The following TIMD4 variants were observed in gnomAD, a reference collection of about 807,000 sequenced individuals.
TIMD4 encodes T-cell immunoglobulin and mucin domain-containing protein 4.
TIMD4 carries 31 observed loss-of-function variants against 41.2 expected under a neutral mutation model. The observed-to-expected ratio is 0.75, with a 90% CI of 0.57 to 1.01. The LOEUF (loss-of-function observed/expected upper bound fraction) is 1.01, where lower values mean the gene tolerates loss of function less well. TIMD4 is among the 50% of genes least tolerant of loss of function. TIMD4 has a pLI of 0.00. For missense variants in TIMD4, 479 were observed against 472.5 expected, an observed-to-expected ratio of 1.01 and a Z score of -0.13; for synonymous variants, 204 against 177.1, an observed-to-expected ratio of 1.15 and a Z score of -1.21.
intron 5 of TIMD4, among the ~76,000 whole-genome samples, chr5:156,934,349 C>T (rs1759500955): frequency 6.6e-6 from 1 of 152,180 alleles, no homozygotes; most frequent in African/African-American, 2.4e-5. Flanking sequence ...GGCTCTGGCT[C>T]ACGGTATCCT....
intron 7 of TIMD4, 140 bp downstream of exon 7, chr5:156,921,959 T>C (rs2113337449): frequency 1.6e-6 from 1 of 626,556 alleles, no homozygotes; most frequent in Non-Finnish European, 2.8e-6. Flanking sequence ...TACCTGTTAC[T>C]TCCCTGGCTG....
intron 6 of TIMD4, among the ~76,000 whole-genome samples, chr5:156,923,150 T>A (rs1349820436): frequency 2.5e-5 from 2 of 79,796 alleles, no homozygotes; most frequent in Non-Finnish European, 5.3e-5. Context: ...TAAATTTTTT[T>A]TTTTTTTTTT....
At chr5:156,955,574 T>A (rs1417418236) in intron 1 of TIMD4, among the ~76,000 whole-genome samples, 1 of 151,820 alleles carries the variant, frequency 6.6e-6, no homozygotes, top group Non-Finnish European at 1.5e-5. Context: ...GAGAATGGCA[T>A]GTACCAGGGA....
chr5:156,924,060 C>A, intron 6 of TIMD4: 1 of 199,194 alleles, frequency 5.0e-6, no homozygotes, highest in Non-Finnish European at 1.0e-5. Context: ...GTTGCCCAGG[C>A]TAGAAACTGA....
At chr5:156,931,732 A>T (rs373071559) in intron 5 of TIMD4, among the ~76,000 whole-genome samples, 2 of 152,278 alleles carry the variant, frequency 1.3e-5, no homozygotes, top group South Asian at 2.1e-4. Context: ...TTAACCTTAG[A>T]TCTTGGAGTA....
chr5:156,943,768 C>G (rs1759687809), intron 5 of TIMD4, among the ~76,000 whole-genome samples: 1 of 151,950 alleles, frequency 6.6e-6, no homozygotes, highest in South Asian at 2.1e-4. Flanking sequence ...AAAATTAATC[C>G]CAGCTGGGTG....
intron 6 of TIMD4, among the ~76,000 whole-genome samples, chr5:156,926,018 C>T (rs1759341079): frequency 1.3e-5 from 2 of 152,228 alleles, no homozygotes; most frequent in Admixed American, 1.3e-4. Context: ...ATTCTCATGC[C>T]TCAGCCTTCT....
Position 156,954,410 on chromosome 5 carries a change from C to T in TIMD4, c.400+5G>A. The T allele has an allele frequency of 6.2e-7, 1 of 1,610,638 alleles. No homozygotes were observed. The highest frequency in any genetic ancestry group is 8.5e-7 in the Non-Finnish European group (1 of 1,178,242). ...CCGCAGGCATGAGGCCCTTCGTGTG[C>T]TTACCTCTCTGTAGATTCAGGCGCA... is the stretch of plus-strand genomic sequence containing the variant. On this transcript the variant is annotated splice_donor_5th_base_variant and intron_variant, in intron 2 of 8. Coordinates refer to ENST00000274532, the MANE Select transcript of TIMD4 (RefSeq NM_138379.3).
intron 7 of TIMD4, among the ~76,000 whole-genome samples, chr5:156,921,339 C>T (rs964917834): frequency 3.3e-5 from 5 of 151,884 alleles, no homozygotes; most frequent in South Asian, 2.1e-4. Context: ...ACCAGGATCA[C>T]GCCAGGCATG....
intron 1 of TIMD4, among the ~76,000 whole-genome samples, chr5:156,956,432 C>T (rs970914827): frequency 3.3e-5 from 5 of 152,298 alleles, no homozygotes; most frequent in African/African-American, 1.2e-4. Context: ...TTAACCACTT[C>T]TCCTCATTAG....
At chr5:156,936,431 C>T (rs1171261942) in intron 5 of TIMD4, among the ~76,000 whole-genome samples, 1 of 152,130 alleles carries the variant, frequency 6.6e-6, no homozygotes, top group Non-Finnish European at 1.5e-5. Context: ...AGAAAATGCT[C>T]GTCAGTAGTT....
At chr5:156,942,062 G>A (rs752372481) in intron 5 of TIMD4, among the ~76,000 whole-genome samples, 4 of 152,232 alleles carry the variant, frequency 2.6e-5, no homozygotes, top group South Asian at 2.1e-4. Context: ...GTTAAGTATC[G>A]CAAGGAAAGA....
At chr5:156,948,834 T>A (rs546098068) in intron 4 of TIMD4, among the ~76,000 whole-genome samples, 3 of 152,216 alleles carry the variant, frequency 2.0e-5, no homozygotes, top group Admixed American at 6.5e-5. Flanking sequence ...AATCACTCTA[T>A]CATACTGTGT....
At chr5:156,958,800 A>AT (rs1282433117) in intron 1 of TIMD4, among the ~76,000 whole-genome samples, 1 of 152,206 alleles carries the variant, frequency 6.6e-6, no homozygotes, top group Non-Finnish European at 1.5e-5. Flanking sequence ...CAATGTATAT[A>AT]TGGGGAATGG....
intron 7 of TIMD4, among the ~76,000 whole-genome samples, chr5:156,921,686 A>C (rs1439232742): frequency 6.6e-6 from 1 of 151,760 alleles, no homozygotes; most frequent in Non-Finnish European, 1.5e-5. Flanking sequence ...TTCGTCCTGC[A>C]ACAATCCTAG....
intron 5 of TIMD4, among the ~76,000 whole-genome samples, chr5:156,928,777 ATTG>A (rs1194422919): frequency 2.0e-5 from 3 of 152,178 alleles, no homozygotes; most frequent in Admixed American, 6.5e-5. Context: ...GAACTAAGTT[ATTG>A]TTGTTTTTCT....
intron 5 of TIMD4, among the ~76,000 whole-genome samples, chr5:156,930,159 G>T (rs149862521): frequency 0.012 from 1,861 of 152,092 alleles, 32 homozygotes; most frequent in African/African-American, 0.043. Flanking sequence ...ACAGGGTCTT[G>T]CTATGTTGCC....
At chr5:156,931,043 T>C (rs1221134885) in intron 5 of TIMD4, among the ~76,000 whole-genome samples, 1 of 152,194 alleles carries the variant, frequency 6.6e-6, no homozygotes, top group African/African-American at 2.4e-5. Context: ...TCAGAGGATG[T>C]GTGATAAAGG....
intron 1 of TIMD4, among the ~76,000 whole-genome samples, chr5:156,959,103 G>A (rs954028265): frequency 6.6e-6 from 1 of 152,150 alleles, no homozygotes. Flanking sequence ...ATTGGAATTG[G>A]GGATAGCAGT....
Sources: allele counts gnomAD v4.1 joint callset (sites outside exome capture counted in the v4.1 genomes callset), GRCh38; gene constraint gnomAD v4.1.1; transcripts MANE v1.5; gene names NCBI Gene and HGNC (gene_info 2026-07-23, HGNC 2026-07-21).